The following GUCY1A2 variants were observed in gnomAD, a reference collection of about 807,000 sequenced individuals.
GUCY1A2 encodes the protein guanylate cyclase soluble subunit alpha-2.
GUCY1A2 carries 27 observed loss-of-function variants against 63.5 expected under a neutral mutation model. That is an observed-to-expected ratio of 0.43 (90% CI 0.31 to 0.59). The LOEUF (loss-of-function observed/expected upper bound fraction) is 0.59, where lower values mean the gene tolerates loss of function less well. Ranked by LOEUF, GUCY1A2 falls within the 20% of genes least tolerant of loss-of-function variation. The probability of loss-of-function intolerance (pLI) is 0.11; values close to 1 mark genes in which losing one functional copy is unlikely to be tolerated. For missense variants in GUCY1A2, 768 were observed against 913.3 expected (o/e 0.84, Z 2.05); for synonymous variants, 364 against 343.5 (o/e 1.06, Z -0.66).
At chr11:106,797,345 C>G (rs945929875) in intron 5 of GUCY1A2, among the ~76,000 whole-genome samples, 16 of 151,968 alleles carry the variant, frequency 1.1e-4, no homozygotes, top group African/African-American at 3.9e-4. Flanking sequence ...GGGGGAGAGG[C>G]GCTCTGATCA....
At chr11:106,700,092 A>G (rs1218240956) in intron 7 of GUCY1A2, among the ~76,000 whole-genome samples, 3 of 152,182 alleles carry the variant, frequency 2.0e-5, no homozygotes, top group South Asian at 2.1e-4. Flanking sequence ...TTTCATATCT[A>G]TGAAAACAAC....
At position 106,977,813 on chromosome 11, in the gene GUCY1A2, C is replaced by G. The variant is rs139810321; in HGVS notation, c.487+806G>C. Among the ~76,000 whole-genome samples, 429 of 152,274 alleles carry G rather than the reference C, an allele frequency of 2.8e-3. 1 individual carries two copies. Among genetic ancestry groups the G allele is most frequent in the African/African-American group, 9.9e-3 (411 of 41,544 alleles). On this transcript the variant is annotated intron_variant, in intron 3 of 7. Transcript: ENST00000526355. ...ACTAAGATTTATTATTCCCCACTAG[C>G]ACCCTCCAGCACCCCATGGATTCCT... is the stretch of plus-strand genomic sequence containing the variant.
chr11:106,797,138 G>A (rs187006931), intron 5 of GUCY1A2, among the ~76,000 whole-genome samples: 67 of 152,116 alleles, frequency 4.4e-4, no homozygotes, highest in African/African-American at 1.3e-3. Flanking sequence ...GGTCATTTAA[G>A]GACTTCTCTA....
intron 6 of GUCY1A2, among the ~76,000 whole-genome samples, chr11:106,747,421 C>T (rs536006559): frequency 6.6e-6 from 1 of 152,210 alleles, no homozygotes; most frequent in Non-Finnish European, 1.5e-5. Context: ...TTTCACAAGA[C>T]ACCAATTGAC....
chr11:106,849,934 T>C (rs1859329165), intron 4 of GUCY1A2, among the ~76,000 whole-genome samples: 1 of 151,718 alleles, frequency 6.6e-6, no homozygotes, highest in South Asian at 2.1e-4. Flanking sequence ...TACAATTCAG[T>C]GGATTTTACA....
chr11:106,912,289 G>T (rs1860305853), intron 4 of GUCY1A2, among the ~76,000 whole-genome samples: 1 of 151,736 alleles, frequency 6.6e-6, no homozygotes, highest in Non-Finnish European at 1.5e-5. Flanking sequence ...TTACAACTTA[G>T]AATTCTGCCT....
chr11:106,991,754 T>C (rs1861472966), intron 1 of GUCY1A2, among the ~76,000 whole-genome samples: 2 of 152,244 alleles, frequency 1.3e-5, no homozygotes, highest in Non-Finnish European at 1.5e-5. Context: ...CAAAGAGCTA[T>C]GCTGCTTGAA....
At chr11:106,824,256 A>G in intron 4 of GUCY1A2, 3 of 739,524 alleles carry the variant, frequency 4.1e-6, no homozygotes, top group Non-Finnish European at 5.7e-6. Flanking sequence ...CTTTTCTGTC[A>G]TATTCCCCTA....
At chr11:106,959,052 A>G (rs1861026618) in intron 3 of GUCY1A2, among the ~76,000 whole-genome samples, 1 of 152,194 alleles carries the variant, frequency 6.6e-6, no homozygotes, top group Non-Finnish European at 1.5e-5. Context: ...CAACCCTAGG[A>G]AAGATTAAAA....
At chr11:106,855,787 A>G (rs1000638750) in intron 4 of GUCY1A2, among the ~76,000 whole-genome samples, 5 of 152,166 alleles carry the variant, frequency 3.3e-5, no homozygotes, top group African/African-American at 7.2e-5. Context: ...CCACTGTCCA[A>G]TTAAGACCAC....
chr11:106,905,613 C>A (rs1303911569), intron 4 of GUCY1A2, among the ~76,000 whole-genome samples: 1 of 152,042 alleles, frequency 6.6e-6, no homozygotes, highest in Non-Finnish European at 1.5e-5. Context: ...AGAAAAGAAG[C>A]CCAAATAAGC....
chr11:106,942,102 T>TCTC (rs758838843), intron 3 of GUCY1A2, among the ~76,000 whole-genome samples: 1,955 of 152,330 alleles, frequency 0.013, 27 homozygotes, highest in South Asian at 0.048. Flanking sequence ...CAGACAATAT[T>TCTC]CACTGCCATT....
chr11:106,709,428 TAA>T (rs1482369384), intron 6 of GUCY1A2, among the ~76,000 whole-genome samples: 5 of 89,572 alleles, frequency 5.6e-5, no homozygotes, highest in East Asian at 5.6e-4. Context: ...ATATTATATA[TAA>T]GTATATATAA....
intron 4 of GUCY1A2, among the ~76,000 whole-genome samples, chr11:106,916,276 GATTT>G (rs1254346289): frequency 6.9e-6 from 1 of 145,116 alleles, no homozygotes; most frequent in African/African-American, 2.4e-5. Flanking sequence ...AAAAATCAAA[GATTT>G]ATTTAGCAAA....
At chr11:106,747,153 A>ATT (rs568934033) in intron 6 of GUCY1A2, among the ~76,000 whole-genome samples, 3 of 151,648 alleles carry the variant, frequency 2.0e-5, no homozygotes, top group African/African-American at 4.8e-5. Context: ...ATGCTCAGCT[A>ATT]TTTTTTTTGT....
chr11:106,739,971 C>T (rs1259957221), intron 6 of GUCY1A2, among the ~76,000 whole-genome samples: 1 of 151,094 alleles, frequency 6.6e-6, no homozygotes, highest in African/African-American at 2.4e-5. Context: ...GTAAGTACCA[C>T]TACCTTTACA....
intron 4 of GUCY1A2, among the ~76,000 whole-genome samples, chr11:106,928,079 C>A (rs545303027): frequency 5.8e-4 from 89 of 152,252 alleles, no homozygotes; most frequent in Non-Finnish European, 8.8e-4. Context: ...AGATCTACAC[C>A]TACCTTATTC....
chr11:106,772,733 T>C (rs1471328766), intron 6 of GUCY1A2, among the ~76,000 whole-genome samples: 3 of 152,110 alleles, frequency 2.0e-5, no homozygotes, highest in African/African-American at 7.2e-5. Context: ...AATGCTAAAT[T>C]CAATACAAAC....
At chr11:106,908,956 A>G (rs1944204) in intron 4 of GUCY1A2, among the ~76,000 whole-genome samples, 111,380 of 151,962 alleles carry the variant, frequency 0.73, 41,312 homozygotes, top group African/African-American at 0.83. Context: ...GCTGTTGTAC[A>G]CAATAATTAC....
Sources: gnomAD v4.1 joint callset for allele counts (sites outside exome capture counted in the v4.1 genomes callset) on GRCh38, gnomAD v4.1.1 for gene constraint, MANE v1.5 for transcripts, NCBI Gene and HGNC (gene_info 2026-07-23, HGNC 2026-07-21) for gene names.